The following MAF variants were observed in gnomAD, a reference collection of about 807,000 sequenced individuals.
The protein encoded by MAF is MAF bZIP transcription factor.
A neutral mutation model predicts 22.0 loss-of-function variants in MAF; 10 were observed. The observed-to-expected ratio is 0.45, with a 90% CI of 0.28 to 0.77. The LOEUF is 0.77. Among genes scored for constraint, MAF ranks in the 30% least tolerant of loss-of-function variants. The pLI, the probability that MAF is intolerant of heterozygous loss-of-function variation, is 0.12. For missense variants in MAF, 544 were observed against 548.4 expected, an observed-to-expected ratio of 0.99 and a Z score of 0.08; for synonymous variants, 337 against 255.8, an observed-to-expected ratio of 1.32 and a Z score of -3.03.
At chr16:79,322,207 T>C in the MAF span, among the ~76,000 whole-genome samples, 1 of 152,162 alleles carries the variant, frequency 6.6e-6, no homozygotes, top group Non-Finnish European at 1.5e-5. Flanking sequence ...CACTCCAGCC[T>C]GGGCAACAGA....
the MAF span, among the ~76,000 whole-genome samples, chr16:79,421,634 A>G: frequency 8.3e-6 from 1 of 120,326 alleles, no homozygotes; most frequent in East Asian, 3.0e-4. Context: ...AATGAAGAAA[A>G]GTGATTTTTT....
chr16:79,484,236 A>C, the MAF span, among the ~76,000 whole-genome samples: 2 of 152,170 alleles, frequency 1.3e-5, no homozygotes, highest in African/African-American at 2.4e-5. Context: ...CTGAGAATCC[A>C]CTGAATGCCC....
the MAF span, among the ~76,000 whole-genome samples, chr16:79,409,163 T>A: frequency 6.6e-6 from 1 of 152,092 alleles, no homozygotes; most frequent in African/African-American, 2.4e-5. Context: ...CAGAAACTCT[T>A]TTTAGGCGCC....
At position 79,594,138 on chromosome 16, in the gene MAF, C is replaced by A. The variant is rs1480872334; in HGVS notation, c.*322G>T. On this transcript the variant is annotated 3_prime_UTR_variant, in exon 2 of 2. Coordinates refer to ENST00000326043, the MANE Select transcript of MAF (RefSeq NM_005360.5). ...ATGCTAATTGTTGCATTCCGGGAAA[C>A]TTTCCATTATATATATGCATATATA... 6.3e-6 allele frequency: 2 copies of A among 316,460 alleles called. No homozygotes were observed. The highest frequency in any genetic ancestry group is 4.7e-5 in the East Asian group (1 of 21,482). 19.6% of individuals were successfully genotyped at this position (316,460 alleles called of 1,614,324 possible).
the MAF span, among the ~76,000 whole-genome samples, chr16:79,478,740 C>G: frequency 6.6e-6 from 1 of 152,136 alleles, no homozygotes; most frequent in South Asian, 2.1e-4. Flanking sequence ...CCCAGCATAC[C>G]TGGATGTCAT....
the MAF span, among the ~76,000 whole-genome samples, chr16:79,238,234 C>A: frequency 6.6e-6 from 1 of 152,070 alleles, no homozygotes; most frequent in African/African-American, 2.4e-5. Context: ...ATGATGGCTT[C>A]ATAACTGAAT....
chr16:79,510,760 A>C, the MAF span, among the ~76,000 whole-genome samples: 1 of 152,146 alleles, frequency 6.6e-6, no homozygotes, highest in African/African-American at 2.4e-5. Context: ...TTTGAACAAG[A>C]AGCTCCACAT....
the MAF span, among the ~76,000 whole-genome samples, chr16:79,383,918 C>A: frequency 2.0e-5 from 3 of 152,086 alleles, no homozygotes; most frequent in Non-Finnish European, 4.4e-5. Flanking sequence ...ACTTTTCCCC[C>A]CAAAAGTACA....
chr16:79,419,515 T>A, the MAF span, among the ~76,000 whole-genome samples: 4 of 152,216 alleles, frequency 2.6e-5, no homozygotes, highest in African/African-American at 9.6e-5. Flanking sequence ...TGAGCCTGTT[T>A]CAGGCTTCCA....
the MAF span, among the ~76,000 whole-genome samples, chr16:79,452,820 C>T: frequency 6.6e-6 from 1 of 152,196 alleles, no homozygotes; most frequent in Non-Finnish European, 1.5e-5. Flanking sequence ...GGGAGATTAC[C>T]TCTTGAGTGC....
chr16:79,569,182 G>A, the MAF span, among the ~76,000 whole-genome samples: 2 of 152,184 alleles, frequency 1.3e-5, no homozygotes, highest in Non-Finnish European at 2.9e-5. Context: ...AATTGACATC[G>A]AGGGTCGGAT....
At chr16:79,244,768 T>A in the MAF span, among the ~76,000 whole-genome samples, 1 of 152,040 alleles carries the variant, frequency 6.6e-6, no homozygotes, top group African/African-American at 2.4e-5. Context: ...AAGACAATCC[T>A]AAGCAAAAAG....
At chr16:79,249,236 A>G in the MAF span, among the ~76,000 whole-genome samples, 2 of 151,988 alleles carry the variant, frequency 1.3e-5, no homozygotes, top group African/African-American at 4.8e-5. Flanking sequence ...CCTGACCAAC[A>G]TGAAGAAACC....
At chr16:79,500,784 G>A in the MAF span, among the ~76,000 whole-genome samples, 2 of 152,144 alleles carry the variant, frequency 1.3e-5, no homozygotes, top group African/African-American at 2.4e-5. Context: ...ACTTCCTGCT[G>A]GAAACTTTGG....
the MAF span, among the ~76,000 whole-genome samples, chr16:79,518,170 G>A: frequency 6.6e-6 from 1 of 152,220 alleles, no homozygotes; most frequent in East Asian, 1.9e-4. Flanking sequence ...TAGAGATTTT[G>A]AGAGGATAAA....
the MAF span, among the ~76,000 whole-genome samples, chr16:79,392,041 G>A: frequency 6.7e-6 from 1 of 149,896 alleles, no homozygotes; most frequent in Non-Finnish European, 1.5e-5. Context: ...AGAATGAGGA[G>A]AAGGAGGACA....
At chr16:79,531,641 C>T in the MAF span, among the ~76,000 whole-genome samples, 4 of 152,096 alleles carry the variant, frequency 2.6e-5, no homozygotes, top group Admixed American at 1.3e-4. Flanking sequence ...ACGCAGTTCA[C>T]AGTAGAGTTT....
the MAF span, among the ~76,000 whole-genome samples, chr16:79,296,392 T>C: frequency 6.6e-6 from 1 of 152,046 alleles, no homozygotes; most frequent in African/African-American, 2.4e-5. Context: ...AGGGAGAGCA[T>C]CAGGATAAAT....
chr16:79,541,073 T>A, the MAF span, among the ~76,000 whole-genome samples: 4 of 152,210 alleles, frequency 2.6e-5, no homozygotes, highest in Non-Finnish European at 5.9e-5. Context: ...ACACGATTAC[T>A]GCTATCACTA....
Sources: allele counts gnomAD v4.1 joint callset (sites outside exome capture counted in the v4.1 genomes callset), GRCh38; gene constraint gnomAD v4.1.1; transcripts MANE v1.5; gene names NCBI Gene and HGNC (gene_info 2026-07-23, HGNC 2026-07-21).